Variants in ZFYVE26 observed in about 807,000 individuals in gnomAD.
ZFYVE26 encodes zinc finger FYVE-type containing 26, also known as zinc finger FYVE domain-containing protein 26.
ZFYVE26 carries 181 observed loss-of-function variants against 276.5 expected under a neutral mutation model. The ratio of observed to expected loss-of-function variants is 0.65; its 90% CI spans 0.58 to 0.74. The LOEUF (loss-of-function observed/expected upper bound fraction) is 0.74, where lower values mean the gene tolerates loss of function less well. Among genes scored for constraint, ZFYVE26 ranks in the 30% least tolerant of loss-of-function variants. The pLI is 0.00. For synonymous variants in ZFYVE26, 1,129 were observed against 1,203.1 expected (o/e 0.94, Z 1.27); for missense variants, 2,821 against 3,097.9 (o/e 0.91, Z 2.12).
intron 40 of ZFYVE26, chr14:67,751,645 G>C: frequency 5.3e-6 from 1 of 188,812 alleles, no homozygotes; most frequent in Admixed American, 5.4e-5. Flanking sequence ...AGGCCGAGGT[G>C]GGTAGATCAT....
chr14:67,797,797 A>G, intron 11 of ZFYVE26, 42 bp from the exon 12 acceptor site: 1 of 1,610,734 alleles, frequency 6.2e-7, no homozygotes, highest in Non-Finnish European at 8.5e-7. Flanking sequence ...AGAGTGATCA[A>G]CTTTGATTTG....
intron 10 of ZFYVE26, 51 bp downstream of exon 10, chr14:67,802,028 C>T (rs1566894842): frequency 6.3e-7 from 1 of 1,598,298 alleles, no homozygotes; most frequent in East Asian, 2.2e-5. Flanking sequence ...AAAGCACCCA[C>T]TGGCATGTGT....
rs202096428 is a variant in ZFYVE26, at chr14:67,762,665, G to C, written c.6159+7C>G. On this transcript the variant is annotated splice_region_variant and intron_variant, in intron 33 of 41. Transcript: ENST00000347230. ...GGAAGTAAGCTTTGTCTTTGTCTTT[G>C]TCTCACCTCAACGCCCAGTTGGTAG... 6.2e-7 allele frequency: 1 copy of C among 1,613,000 alleles called. No homozygotes were observed. The highest frequency in any genetic ancestry group is 8.5e-7 in the Non-Finnish European group (1 of 1,180,008).
chr14:67,760,837 G>A (rs907344009), intron 35 of ZFYVE26: 6 of 189,640 alleles, frequency 3.2e-5, no homozygotes, highest in African/African-American at 7.0e-5. Context: ...CCAGTGGGAG[G>A]GGGGCAGAGG....
In ZFYVE26 at chr14:67,783,020, G is replaced by A. The variant is rs774809466; in HGVS notation, c.4132C>T (p.Arg1378Ter). 1.9e-6 allele frequency: 3 copies of A among 1,614,132 alleles called. No individual in the cohort carries two copies. The highest frequency in any genetic ancestry group is 2.5e-6 in the Non-Finnish European group (3 of 1,180,012). ...CTCTGCCCCTGCTGCAAAGACCCTCGCAGGGGCTCCCAGGCAGCCAGGAGG... is the reference window on the plus strand; with the variant it reads ...CTCTGCCCCTGCTGCAAAGACCCTCACAGGGGCTCCCAGGCAGCCAGGAGG... ...AFLLAAWEPL[R>*]GSLQQGQSLA... The change falls in exon 21 of 42, where the codon CGA becomes TGA. Residue 1378 changes from arginine (R) to a stop codon, truncating the protein, a stop_gained. Coordinates refer to ENST00000347230, the MANE Select transcript of ZFYVE26 (RefSeq NM_015346.4). LOFTEE classifies it high-confidence loss of function.
chr14:67,754,044 G>A (rs762577083), intron 38 of ZFYVE26, 27 bp downstream of exon 38: 2 of 1,614,104 alleles, frequency 1.2e-6, no homozygotes, highest in East Asian at 2.2e-5. Context: ...ACAATAGTCT[G>A]CCAGAGGTCT....
intron 40 of ZFYVE26, among the ~76,000 whole-genome samples, chr14:67,751,805 A>G (rs981588211): frequency 4.6e-5 from 7 of 152,074 alleles, no homozygotes; most frequent in Non-Finnish European, 7.4e-5. Flanking sequence ...CCCAGGAGGC[A>G]GAGCTTGCAG....
intron 27 of ZFYVE26, among the ~76,000 whole-genome samples, chr14:67,773,869 T>G (rs1025711710): frequency 6.6e-6 from 1 of 152,148 alleles, no homozygotes; most frequent in Non-Finnish European, 1.5e-5. Flanking sequence ...CTTTGACCAT[T>G]TGGCAAAACA....
At chr14:67,802,057 C>A (rs141807559) in intron 10 of ZFYVE26, 22 bp downstream of exon 10, 30 of 1,611,696 alleles carry the variant, frequency 1.9e-5, no homozygotes, top group Non-Finnish European at 2.5e-5. Flanking sequence ...GCTTATCTCA[C>A]GGATGGAGGG....
intron 9 of ZFYVE26, 60 bp from the exon 10 acceptor site, chr14:67,802,342 G>T: frequency 6.4e-7 from 1 of 1,557,326 alleles, no homozygotes; most frequent in East Asian, 2.2e-5. Flanking sequence ...ATGCAAGTAT[G>T]GGTGAAGCAA....
intron 13 of ZFYVE26, chr14:67,735,132 T>G: frequency 1.2e-6 from 1 of 808,744 alleles, no homozygotes. Context: ...TAGGCATGGG[T>G]GTTGATTCGA....
In ZFYVE26 at chr14:67,755,138, T is replaced by C; in HGVS notation, c.6899A>G (p.Lys2300Arg). 6.2e-7 allele frequency: 1 copy of C among 1,614,184 alleles called. No homozygotes were observed. Among genetic ancestry groups the C allele is most frequent in the Non-Finnish European group, 8.5e-7 (1 of 1,180,018 alleles). The change falls in exon 37 of 42, where the codon AAG becomes AGG. Residue 2300 changes from lysine (K) to arginine (R), a missense_variant. Coordinates refer to ENST00000347230, the MANE Select transcript of ZFYVE26 (RefSeq NM_015346.4). ...SWLLKAKDHL[K>R]IYLQETSRSS... is the part of the protein sequence containing the mutation. ...GCGGGATGTTTCTTGGAGGTAGATC[T>C]TCAGGTGGTCCTTGGCCTTAAGTAG...
chr14:67,786,006 C>T lies in ZFYVE26; in HGVS notation c.3156G>A (p.Lys1052=), dbSNP rs1594917353. The part of the protein sequence containing the change: ...SQTKSESVEE[K]GGGPPRCSIT... Reference sequence around the variant, plus strand: ...TGCTGCACCGTGGAGGGCCTCCTCCCTTTTCTTCCACACTCTCTATGGAAA... The same window carrying T: ...TGCTGCACCGTGGAGGGCCTCCTCCTTTTTCTTCCACACTCTCTATGGAAA... Residue 1052 remains lysine (K), a synonymous_variant, in exon 18 of 42, where the codon AAG becomes AAA. Transcript: ENST00000347230. The T allele has an allele frequency of 6.2e-7, 1 of 1,614,198 alleles. No homozygotes were observed. Among genetic ancestry groups the T allele is most frequent in the Non-Finnish European group, 8.5e-7 (1 of 1,180,040 alleles).
intron 2 of ZFYVE26, 66 bp downstream of exon 2, chr14:67,815,704 A>G: frequency 1.3e-6 from 2 of 1,523,628 alleles, no homozygotes; most frequent in Non-Finnish European, 1.8e-6. Context: ...ACATTGACCA[A>G]TGCCCAAATA....
At chr14:67,751,231 C>T (rs1250086451) in intron 40 of ZFYVE26, 135 bp from the exon 41 acceptor site, 1 of 904,172 alleles carries the variant, frequency 1.1e-6, no homozygotes, top group African/African-American at 1.6e-5. Context: ...TTCTCAAAGA[C>T]ATGGGGTCTC....
rs1224257655 is a variant in ZFYVE26 at position 67,797,688 on chromosome 14, TGTCCGAC to T, written c.2309_2315del (p.Arg770GlnfsTer24). ...TCAGATTACCTGCCTGGCTCCTTCT[TGTCCGAC>T]GACCCCGGCGGAGACTGGGGTGACG... is the stretch of plus-strand genomic sequence containing the variant. On this transcript the variant is annotated frameshift_variant, in exon 12 of 42. Transcript: ENST00000347230. LOFTEE classifies it high-confidence loss of function. 6.2e-7 allele frequency: 1 copy of T among 1,614,096 alleles called. No homozygotes were observed. The highest frequency in any genetic ancestry group is 1.3e-5 in the African/African-American group (1 of 74,932).
At chr14:67,778,613 A>G (rs1023171444) in intron 23 of ZFYVE26, among the ~76,000 whole-genome samples, 32 of 152,354 alleles carry the variant, frequency 2.1e-4, no homozygotes, top group Admixed American at 5.9e-4. Context: ...TGTATTTTAA[A>G]ATTTTGGCAA....
intron 40 of ZFYVE26, chr14:67,751,493 G>A (rs1450948362): frequency 9.8e-6 from 3 of 306,136 alleles, no homozygotes; most frequent in African/African-American, 4.3e-5. Flanking sequence ...TGATCCTCCC[G>A]CCTCAGCCTC....
intron 8 of ZFYVE26, 66 bp from the exon 9 acceptor site, chr14:67,804,330 C>G: frequency 1.3e-6 from 2 of 1,561,242 alleles, no homozygotes; most frequent in South Asian, 2.3e-5. Context: ...AAAGATCAAT[C>G]TCCATTCCCT....
Sources: allele counts gnomAD v4.1 joint callset (sites outside exome capture counted in the v4.1 genomes callset), GRCh38; gene constraint gnomAD v4.1.1; transcripts MANE v1.5; gene names NCBI Gene and HGNC (gene_info 2026-07-23, HGNC 2026-07-21).